RNF168: variants seen among roughly 807,000 people sequenced by gnomAD.
RNF168 encodes ring finger protein 168.
Under a neutral mutation model 34.9 loss-of-function variants are expected in RNF168, and 34 were observed. The ratio of observed to expected loss-of-function variants is 0.97; its 90% CI spans 0.74 to 1.30. The LOEUF (loss-of-function observed/expected upper bound fraction) is 1.30, where lower values mean the gene tolerates loss of function less well. Among genes scored for constraint, RNF168 ranks in the 50% most tolerant of loss-of-function variants. The probability of loss-of-function intolerance (pLI) is 0.00; values close to 1 mark genes in which losing one functional copy is unlikely to be tolerated. For synonymous variants in RNF168, 264 were observed against 254.7 expected (o/e 1.04, Z -0.35); for missense variants, 725 against 682.5 (o/e 1.06, Z -0.69).
chr3:196,493,243 T>C (rs1202704578), intron 1 of RNF168, among the ~76,000 whole-genome samples: 1 of 152,250 alleles, frequency 6.6e-6, no homozygotes, highest in African/African-American at 2.4e-5. Flanking sequence ...GAACTTTTGT[T>C]AAACCGTGGA....
intron 1 of RNF168, among the ~76,000 whole-genome samples, chr3:196,490,219 T>G (rs931361663): frequency 2.6e-5 from 4 of 152,184 alleles, no homozygotes; most frequent in Non-Finnish European, 4.4e-5. Flanking sequence ...AGTTGAAAGA[T>G]AATTCTGGGT....
Position 196,503,123 on chromosome 3 carries a change from C to T in RNF168, c.51G>A (p.Gly17=). The change falls in exon 1 of 6, where the codon GGG becomes GGA. Residue 17 remains glycine, a synonymous_variant. Coordinates refer to ENST00000318037, the MANE Select transcript of RNF168 (RefSeq NM_152617.4). The part of the protein sequence containing the change: ...AIPSLSECQC[G]ICMEILVEPV... ...GCTCCACGAGGATTTCCATGCAGAT[C>T]CCGCACTGGCACTCGGACAGCGAGG... The T allele has an allele frequency of 6.2e-7, 1 of 1,614,170 alleles. No individual in the cohort carries two copies.
chr3:196,475,019 GA>G (rs1732108833), intron 5 of RNF168: 2 of 534,192 alleles, frequency 3.7e-6, no homozygotes, highest in Admixed American at 6.3e-5. Flanking sequence ...CTCTCTTAGA[GA>G]AAAACTTTGC....
rs112385327 is a variant in RNF168 at position 196,470,548 on chromosome 3, A to G, written c.*1271T>C. ...CCCATCCAGCCTCAGCCTCATCCTC[A>G]TCTGGACCCGTTTCTGACCAACCAC... On this transcript the variant is annotated 3_prime_UTR_variant, in exon 6 of 6. Transcript: ENST00000318037. The G allele has an allele frequency of 0.014, 1,765 of 128,498 alleles. 22 individuals are homozygous for G. The highest frequency in any genetic ancestry group is 0.041 in the Middle Eastern group (8 of 196). 8.0% of individuals were successfully genotyped at this position (128,498 alleles called of 1,614,324 possible).
At position 196,475,265 on chromosome 3, in the gene RNF168, GCTT is replaced by G; in HGVS notation, c.725_727del (p.Glu242del). The G allele has an allele frequency of 1.2e-6, 2 of 1,610,630 alleles. No homozygotes were observed. Among genetic ancestry groups the G allele is most frequent in the Non-Finnish European group, 1.7e-6 (2 of 1,176,854 alleles). On this transcript the variant is annotated inframe_deletion, in exon 5 of 6. Transcript: ENST00000318037. ...GGAGTCTTTCCTGACTTCTTGTACA[GCTT>G]CAGAGTGTGAGGCTGACCCAAACTG...
In RNF168 at chr3:196,471,769, G is replaced by A. The variant is rs774595245; in HGVS notation, c.*50C>T. ...GATGAAGATTCCATGATAGGAAAGA[G>A]CTTCACATTCCAGCTTTACTAGATC... is the stretch of plus-strand genomic sequence containing the variant. On this transcript the variant is annotated 3_prime_UTR_variant, in exon 6 of 6. Transcript: ENST00000318037. The A allele has an allele frequency of 1.7e-6, 2 of 1,166,590 alleles. No homozygotes were observed. Among genetic ancestry groups the A allele is most frequent in the South Asian group, 1.2e-5 (1 of 81,826 alleles). The allele number at this position is 1,166,590 out of a possible 1,614,324, so 72.3% of individuals were successfully genotyped here.
Position 196,487,383 on chromosome 3 carries a change from C to G in RNF168, c.558+16G>C. On this transcript the variant is annotated intron_variant, in intron 3 of 5. Coordinates refer to ENST00000318037, the MANE Select transcript of RNF168 (RefSeq NM_152617.4). ...CAAGGGATGACCATACCTTAGCGTTCCCTCCTAAAACTTACAATATCAATG... is the reference window on the plus strand; with the variant it reads ...CAAGGGATGACCATACCTTAGCGTTGCCTCCTAAAACTTACAATATCAATG... The G allele has an allele frequency of 6.2e-7, 1 of 1,608,420 alleles. No individual in the cohort carries two copies. Among genetic ancestry groups the G allele is most frequent in the South Asian group, 1.1e-5 (1 of 90,952 alleles).
chr3:196,480,350 TCTC>T (rs1215051323), intron 4 of RNF168, among the ~76,000 whole-genome samples: 3 of 152,214 alleles, frequency 2.0e-5, no homozygotes, highest in African/African-American at 4.8e-5. Flanking sequence ...GGTTTGAAAG[TCTC>T]CTATGGGGCC....
chr3:196,501,244 T>C (rs1429388189), intron 1 of RNF168, among the ~76,000 whole-genome samples: 1 of 152,156 alleles, frequency 6.6e-6, no homozygotes, highest in East Asian at 1.9e-4. Context: ...ACAAAAGAAC[T>C]GAACACAGGT....
intron 4 of RNF168, among the ~76,000 whole-genome samples, chr3:196,482,080 T>C (rs760298252): frequency 6.6e-6 from 1 of 151,940 alleles, no homozygotes; most frequent in Non-Finnish European, 1.5e-5. Flanking sequence ...TAGCTGGGAT[T>C]ACAGGTACGT....
intron 3 of RNF168, among the ~76,000 whole-genome samples, 176 bp from the exon 4 acceptor site, chr3:196,484,067 C>A (rs1374694822): frequency 6.6e-6 from 1 of 151,954 alleles, no homozygotes; most frequent in Non-Finnish European, 1.5e-5. Context: ...AAACTATGTT[C>A]ATCCAAGTTG....
chr3:196,494,046 G>C (rs957851196), intron 1 of RNF168, among the ~76,000 whole-genome samples: 3 of 149,996 alleles, frequency 2.0e-5, no homozygotes, highest in African/African-American at 4.9e-5. Flanking sequence ...AGACGGTTTT[G>C]CCCTATTGGC....
chr3:196,472,354 G>A lies in RNF168; in HGVS notation c.1181C>T (p.Ser394Phe), dbSNP rs756533315. The change falls in exon 6 of 6, where the codon TCC becomes TTC. Residue 394 changes from serine to phenylalanine, a missense_variant. Transcript: ENST00000318037. Reference protein sequence around the residue: ...EISKRKNQESSFEAVKDPCFS... With the variant: ...EISKRKNQESFFEAVKDPCFS... ...GCATGGATCCTTGACTGCTTCAAAG[G>A]AAGATTCTTGGTTTTTTCTTTTGGA... 17 of 1,614,052 alleles carry A rather than the reference G, an allele frequency of 1.1e-5. 2 individuals are homozygous for A. In the East Asian group the frequency reaches 3.8e-4, roughly 36 times the overall value.
chr3:196,499,084 G>T (rs1298546754), intron 1 of RNF168, among the ~76,000 whole-genome samples: 1 of 152,102 alleles, frequency 6.6e-6, no homozygotes, highest in Non-Finnish European at 1.5e-5. Flanking sequence ...TAAGAATGTG[G>T]TCTTAACTGG....
chr3:196,475,680 A>G (rs1462255508), intron 4 of RNF168, among the ~76,000 whole-genome samples: 1 of 148,622 alleles, frequency 6.7e-6, no homozygotes, highest in African/African-American at 2.5e-5. Context: ...CCTCCCAAGT[A>G]GCTGGGACTA....
chr3:196,497,884 G>GAAT (rs111518233), intron 1 of RNF168, among the ~76,000 whole-genome samples: 23,229 of 151,936 alleles, frequency 0.15, 2,789 homozygotes, highest in African/African-American at 0.34. Context: ...GTCTACAACT[G>GAAT]AATATAAACA....
At chr3:196,497,284 AT>A (rs1732765671) in intron 1 of RNF168, among the ~76,000 whole-genome samples, 1 of 152,226 alleles carries the variant, frequency 6.6e-6, no homozygotes, top group Admixed American at 6.5e-5. Context: ...AGGTACAGAA[AT>A]AACTGATACC....
At position 196,503,280 on chromosome 3, in the gene RNF168, T is replaced by TG. The variant is rs1732948959; in HGVS notation, c.-108dup. ...AAAGCAGTTTTGTGTTTCAGTATTA[T>TG]GCCCAGAAGCGTATCAGAATTCGGA... On this transcript the variant is annotated 5_prime_UTR_variant, in exon 1 of 6. Coordinates refer to ENST00000318037, the MANE Select transcript of RNF168 (RefSeq NM_152617.4). 1.1e-6 allele frequency: 1 copy of TG among 949,956 alleles called. No individual in the cohort carries two copies. The highest frequency in any genetic ancestry group is 1.4e-5 in the South Asian group (1 of 72,306). The allele number at this position is 949,956 out of a possible 1,614,324, so 58.8% of individuals were successfully genotyped here.
intron 4 of RNF168, among the ~76,000 whole-genome samples, chr3:196,483,377 C>T (rs890109760): frequency 1.3e-5 from 2 of 152,162 alleles, no homozygotes; most frequent in African/African-American, 4.8e-5. Context: ...AACTCAATCA[C>T]GCCACCTTTG....
Sources: allele counts gnomAD v4.1 joint callset (sites outside exome capture counted in the v4.1 genomes callset), GRCh38; gene constraint gnomAD v4.1.1; transcripts MANE v1.5; gene names NCBI Gene and HGNC (gene_info 2026-07-23, HGNC 2026-07-21).